Variants in FGF14 observed in about 807,000 individuals in gnomAD.
FGF14 encodes the protein fibroblast growth factor homologous factor 4.
Under a neutral mutation model 25.5 loss-of-function variants are expected in FGF14, and 5 were observed. The observed-to-expected ratio is 0.20, with a 90% CI of 0.10 to 0.41. The LOEUF (loss-of-function observed/expected upper bound fraction) is 0.41, where lower values mean the gene tolerates loss of function less well. Among genes scored for constraint, FGF14 ranks in the 10% least tolerant of loss-of-function variants. The pLI, the probability that FGF14 is intolerant of heterozygous loss-of-function variation, is 1.00. For synonymous variants in FGF14, 138 were observed against 118.3 expected (o/e 1.17, Z -1.08); for missense variants, 222 against 320.1 (o/e 0.69, Z 2.34).
At chr13:102,318,415 C>T (rs1174623685) in intron 1 of FGF14, among the ~76,000 whole-genome samples, 2 of 152,150 alleles carry the variant, frequency 1.3e-5, no homozygotes, top group African/African-American at 4.8e-5. Context: ...AAACAACAGA[C>T]ATGTATTGTC....
At chr13:102,057,165 A>AT (rs1159180419) in intron 1 of FGF14, among the ~76,000 whole-genome samples, 1 of 152,116 alleles carries the variant, frequency 6.6e-6, no homozygotes, top group Non-Finnish European at 1.5e-5. Context: ...TAAACTATGA[A>AT]TTTTTTAATC....
chr13:101,814,634 T>C (rs972370896), intron 3 of FGF14, among the ~76,000 whole-genome samples: 2 of 152,214 alleles, frequency 1.3e-5, no homozygotes, highest in African/African-American at 4.8e-5. Flanking sequence ...TCTGTAATTG[T>C]GTCTTTTGTG....
chr13:102,208,102 C>T (rs1421531232), intron 1 of FGF14, among the ~76,000 whole-genome samples: 1 of 152,174 alleles, frequency 6.6e-6, no homozygotes, highest in Non-Finnish European at 1.5e-5. Flanking sequence ...ACATAAGTCA[C>T]CTCTCTTCAT....
At chr13:101,950,747 T>C (rs1249381046) in intron 1 of FGF14, among the ~76,000 whole-genome samples, 2 of 117,270 alleles carry the variant, frequency 1.7e-5, no homozygotes, top group Non-Finnish European at 3.2e-5. Context: ...GAAAACCTAA[T>C]CATGTTTTTT....
intron 1 of FGF14, among the ~76,000 whole-genome samples, chr13:102,193,718 A>G (rs1399580136): frequency 6.6e-6 from 1 of 152,208 alleles, no homozygotes; most frequent in Non-Finnish European, 1.5e-5. Context: ...TTCTTACAGG[A>G]AAGTCATGAA....
At chr13:102,005,189 G>C (rs1281842225) in intron 1 of FGF14, among the ~76,000 whole-genome samples, 1 of 152,136 alleles carries the variant, frequency 6.6e-6, no homozygotes. Flanking sequence ...TTTTGCTTTA[G>C]TACCTGTTTT....
chr13:102,048,625 G>A (rs2042093040), intron 1 of FGF14, among the ~76,000 whole-genome samples: 1 of 152,142 alleles, frequency 6.6e-6, no homozygotes, highest in Non-Finnish European at 1.5e-5. Flanking sequence ...TTAGTGCCAC[G>A]TAAGTGTTAC....
chr13:102,252,273 A>T (rs141587273), intron 1 of FGF14, among the ~76,000 whole-genome samples: 1 of 152,320 alleles, frequency 6.6e-6, no homozygotes, highest in East Asian at 1.9e-4. Context: ...TAGAGTGGGA[A>T]ACTCACTGGT....
intron 1 of FGF14, among the ~76,000 whole-genome samples, chr13:102,371,929 C>G (rs979622820): frequency 1.3e-5 from 2 of 152,176 alleles, no homozygotes; most frequent in African/African-American, 4.8e-5. Flanking sequence ...CTTATACTAT[C>G]ACACATTCTC....
chr13:102,237,289 G>A (rs1594529733), intron 1 of FGF14, among the ~76,000 whole-genome samples: 1 of 152,160 alleles, frequency 6.6e-6, no homozygotes, highest in Non-Finnish European at 1.5e-5. Flanking sequence ...TCTGAAAAAC[G>A]TGAGGTGGGT....
chr13:101,857,561 A>G (rs2044189598), intron 3 of FGF14, among the ~76,000 whole-genome samples: 1 of 152,184 alleles, frequency 6.6e-6, no homozygotes, highest in East Asian at 1.9e-4. Flanking sequence ...TTATCTGAAC[A>G]CCAACAACCA....
intron 3 of FGF14, among the ~76,000 whole-genome samples, chr13:101,841,770 T>A (rs2043207875): frequency 6.6e-6 from 1 of 151,974 alleles, no homozygotes; most frequent in Admixed American, 6.6e-5. Flanking sequence ...TCTCTTTGAA[T>A]CATGCCTCAG....
intron 1 of FGF14, among the ~76,000 whole-genome samples, chr13:101,963,260 A>T (rs970255860): frequency 6.6e-6 from 1 of 152,228 alleles, no homozygotes; most frequent in Non-Finnish European, 1.5e-5. Context: ...CTATTCTAGA[A>T]ATGTTAATTC....
At chr13:102,187,338 A>G (rs754268353) in intron 1 of FGF14, among the ~76,000 whole-genome samples, 2 of 152,124 alleles carry the variant, frequency 1.3e-5, no homozygotes, top group Non-Finnish European at 2.9e-5. Flanking sequence ...ATGTTCATAT[A>G]CTCTTGTTTG....
intron 1 of FGF14, among the ~76,000 whole-genome samples, chr13:101,877,540 G>C (rs1483356182): frequency 6.6e-6 from 1 of 152,110 alleles, no homozygotes; most frequent in East Asian, 1.9e-4. Context: ...ACTCAGCTCT[G>C]GACCCTGCCC....
chr13:102,120,447 A>C (rs1266669020), intron 1 of FGF14, among the ~76,000 whole-genome samples: 1 of 152,194 alleles, frequency 6.6e-6, no homozygotes, highest in Non-Finnish European at 1.5e-5. Context: ...TCAGGGATTC[A>C]AAAGCTGGGA....
intron 1 of FGF14, among the ~76,000 whole-genome samples, chr13:101,935,968 T>C (rs550733436): frequency 1.3e-5 from 2 of 152,324 alleles, no homozygotes; most frequent in African/African-American, 4.8e-5. Context: ...TTTTGGTGGT[T>C]CTATGACAGG....
chr13:101,880,017 T>C (rs2045611703), intron 1 of FGF14, among the ~76,000 whole-genome samples: 1 of 152,030 alleles, frequency 6.6e-6, no homozygotes, highest in African/African-American at 2.4e-5. Flanking sequence ...CATGGGAAAA[T>C]TTGCTATCTT....
chr13:102,254,929 T>C (rs1490542170), intron 1 of FGF14, among the ~76,000 whole-genome samples: 1 of 152,190 alleles, frequency 6.6e-6, no homozygotes, highest in Non-Finnish European at 1.5e-5. Flanking sequence ...TAATAGACTA[T>C]TTTAGGAAAC....
Sources: gnomAD v4.1 joint callset for allele counts (sites outside exome capture counted in the v4.1 genomes callset) on GRCh38, gnomAD v4.1.1 for gene constraint, MANE v1.5 for transcripts, NCBI Gene and HGNC (gene_info 2026-07-23, HGNC 2026-07-21) for gene names.